The following WDR19 variants were observed in gnomAD, a reference collection of about 807,000 sequenced individuals.
WDR19 encodes the protein WD repeat domain 19.
A neutral mutation model predicts 180.0 loss-of-function variants in WDR19; 121 were observed. The observed-to-expected ratio is 0.67, with a 90% CI of 0.58 to 0.78. The LOEUF (loss-of-function observed/expected upper bound fraction) is 0.78. Ranked by LOEUF, WDR19 falls within the 30% of genes least tolerant of loss-of-function variation. The pLI is 0.00. For missense variants in WDR19, 1,450 were observed against 1,640.7 expected (o/e 0.88, Z 2.01); for synonymous variants, 497 against 540.7 (o/e 0.92, Z 1.12).
rs1731221844 is a variant in WDR19 at position 39,234,845 on chromosome 4, C to G, written c.2333C>G (p.Ser778Ter). The G allele has an allele frequency of 6.4e-7, 1 of 1,571,480 alleles. No individual in the cohort carries two copies. ...HLAPDQIPFI[S>*]KEYAIQLEFA... ...GCCCCAGACCAGATACCTTTTATATCAAAAGAATATGCTATTCAGCTTGAA... is the reference window on the plus strand; with the variant it reads ...GCCCCAGACCAGATACCTTTTATATGAAAAGAATATGCTATTCAGCTTGAA... The change falls in exon 20 of 37, where the codon TCA (serine) becomes TGA (stop). Residue 778 changes from serine to a stop codon, truncating the protein, a stop_gained. Transcript: ENST00000399820. LOFTEE classifies it high-confidence loss of function.
intron 24 of WDR19, among the ~76,000 whole-genome samples, chr4:39,250,613 G>T (rs550455137): frequency 6.6e-6 from 1 of 152,164 alleles, no homozygotes; most frequent in Non-Finnish European, 1.5e-5. Context: ...AAACCCCATC[G>T]TCTCAGCCCG....
At chr4:39,208,130 A>C (rs1324703749) in intron 9 of WDR19, among the ~76,000 whole-genome samples, 1 of 152,160 alleles carries the variant, frequency 6.6e-6, no homozygotes, top group African/African-American at 2.4e-5. Context: ...ACAATAGATA[A>C]ATTAAAATGG....
At chr4:39,193,069 G>A (rs558593676) in intron 4 of WDR19, among the ~76,000 whole-genome samples, 20 of 152,166 alleles carry the variant, frequency 1.3e-4, no homozygotes, top group South Asian at 4.1e-4. Flanking sequence ...ATTAAAATGC[G>A]TATTTATCTT....
chr4:39,283,514 T>C (rs973401940), intron 36 of WDR19, among the ~76,000 whole-genome samples: 1 of 152,164 alleles, frequency 6.6e-6, no homozygotes, highest in Non-Finnish European at 1.5e-5. Context: ...TGACTAAATA[T>C]TTTTTCGTAT....
intron 3 of WDR19, 39 bp downstream of exon 3, chr4:39,186,643 T>C: frequency 7.2e-7 from 1 of 1,386,188 alleles, no homozygotes; most frequent in Non-Finnish European, 9.8e-7. Flanking sequence ...CTGTCAAGTT[T>C]TGTTGCCTAA....
chr4:39,280,141 T>TTTTTA lies in WDR19; in HGVS notation c.*13+1478_*13+1479insTTTTA, dbSNP rs368949539. On this transcript the variant is annotated intron_variant, in intron 36 of 36. Coordinates refer to ENST00000399820, the MANE Select transcript of WDR19 (RefSeq NM_025132.4). ...CTTGTTTTTTTTTTTTTTTTTTTTTTAATAGAGGCAGGGTCTCGCCACATT... is the reference window on the plus strand; with the variant it reads ...CTTGTTTTTTTTTTTTTTTTTTTTTTTTTTAAATAGAGGCAGGGTCTCGCCACATT... Among the ~76,000 whole-genome samples the TTTTTA allele has an allele frequency of 1.8e-4, 16 of 88,392 alleles. 2 individuals carry two copies. Among genetic ancestry groups the TTTTTA allele is most frequent in the East Asian group, 3.6e-4 (1 of 2,742 alleles). The allele number at this position is 88,392 out of a possible 152,430, so 58.0% of individuals were successfully genotyped here.
intron 15 of WDR19, among the ~76,000 whole-genome samples, chr4:39,225,324 A>G (rs915546141): frequency 1.3e-5 from 2 of 152,192 alleles, no homozygotes; most frequent in African/African-American, 4.8e-5. Flanking sequence ...GCACAATACA[A>G]TAATTATAGT....
Position 39,278,116 on chromosome 4 carries a change from A to T in WDR19, c.3841-15A>T, listed in dbSNP as rs368673192. 1 of 1,589,418 alleles carries T rather than the reference A, an allele frequency of 6.3e-7. No homozygotes were observed. Among genetic ancestry groups the T allele is most frequent in the Admixed American group, 1.8e-5 (1 of 56,186 alleles). ...AAATAAAGATGAATTTAACTCTTAA[A>T]CATCCTGTTTCCAGGGTCGACACAT... is the stretch of plus-strand genomic sequence containing the variant. On this transcript the variant is annotated splice_polypyrimidine_tract_variant and intron_variant, in intron 34 of 36. Transcript: ENST00000399820.
intron 9 of WDR19, among the ~76,000 whole-genome samples, chr4:39,208,635 G>C (rs1485785561): frequency 2.0e-5 from 3 of 152,028 alleles, no homozygotes; most frequent in Non-Finnish European, 2.9e-5. Flanking sequence ...TATTAAAAGG[G>C]TCATTGTAAG....
intron 36 of WDR19, among the ~76,000 whole-genome samples, chr4:39,278,959 G>GT (rs1736187716): frequency 7.5e-6 from 1 of 133,936 alleles, no homozygotes. Context: ...GCTAATAAAA[G>GT]TATTTTTTTT....
rs866346887 is a variant in WDR19, at chr4:39,205,072, G to A, written c.604-82G>A. 3.9e-5 allele frequency: 37 copies of A among 944,898 alleles called. No individual in the cohort carries two copies. In the Middle Eastern group the frequency reaches 3.7e-3, roughly 94 times the overall value. 58.5% of individuals were successfully genotyped at this position (944,898 alleles called of 1,614,324 possible). ...TGGGCTTATTATTTTCACAAATTAG[G>A]TTCAGCTGTTGGATTTGCTTAATGG... On this transcript the variant is annotated intron_variant, in intron 7 of 36. Coordinates refer to ENST00000399820, the MANE Select transcript of WDR19 (RefSeq NM_025132.4).
At position 39,279,968 on chromosome 4, in the gene WDR19, G is replaced by T. The variant is rs539210408; in HGVS notation, c.*13+1305G>T. 3.9e-5 allele frequency among the ~76,000 whole-genome samples: 6 copies of T among 152,028 alleles called. No homozygotes were observed. In the East Asian group the frequency reaches 1.2e-3, roughly 29 times the overall value. On this transcript the variant is annotated intron_variant, in intron 36 of 36. Transcript: ENST00000399820. ...TTCGCCGGCCTCAGCCTCCCAAAGT[G>T]CTGGGATTACAGGCATGAGCCGCCA...
intron 28 of WDR19, among the ~76,000 whole-genome samples, chr4:39,264,035 T>G (rs748612693): frequency 6.6e-6 from 1 of 152,160 alleles, no homozygotes; most frequent in Non-Finnish European, 1.5e-5. Context: ...GAAATTTAAA[T>G]TTAACTGGGA....
In WDR19 at chr4:39,241,795, C is replaced by CA. The variant is rs539065242; in HGVS notation, c.2421+1475dup. 4.3e-3 allele frequency among the ~76,000 whole-genome samples: 539 copies of CA among 125,874 alleles called. 3 individuals carry two copies. Among genetic ancestry groups the CA allele is most frequent in the South Asian group, 0.028 (111 of 3,940 alleles). 82.6% of individuals were successfully genotyped at this position (125,874 alleles called of 152,430 possible). On this transcript the variant is annotated intron_variant, in intron 21 of 36. Transcript: ENST00000399820. The stretch of plus-strand genomic sequence containing the variant: ...GGGCGACAAGAGGGAAACTCTGTCT[C>CA]AAAAAAAAAAAAAAGAAAGAAAGAA...
At chr4:39,241,933 A>T (rs1403799313) in intron 21 of WDR19, among the ~76,000 whole-genome samples, 1 of 145,392 alleles carries the variant, frequency 6.9e-6, no homozygotes, top group Non-Finnish European at 1.5e-5. Flanking sequence ...TGTAATATGG[A>T]TTTTTTTTTT....
intron 28 of WDR19, among the ~76,000 whole-genome samples, chr4:39,259,187 G>T (rs146204268): frequency 6.6e-6 from 1 of 152,162 alleles, no homozygotes; most frequent in Non-Finnish European, 1.5e-5. Flanking sequence ...TGCCCATCCC[G>T]AGTTAATTAG....
In WDR19 at chr4:39,238,427, A is replaced by T. The variant is rs138298751; in HGVS notation, c.2364-1850A>T. 2.3e-3 allele frequency among the ~76,000 whole-genome samples: 356 copies of T among 152,352 alleles called. 1 individual carries two copies. The highest frequency in any genetic ancestry group is 7.9e-3 in the African/African-American group (328 of 41,580). On this transcript the variant is annotated intron_variant, in intron 20 of 36. Transcript: ENST00000399820. The stretch of plus-strand genomic sequence containing the variant: ...TGAGCTAAAAACAACATAAAAATAA[A>T]GTGAGAGTTCCAAAGTATTAATTTA...
chr4:39,272,305 G>A (rs557180480), intron 31 of WDR19, among the ~76,000 whole-genome samples: 107 of 152,322 alleles, frequency 7.0e-4, no homozygotes, highest in Middle Eastern at 3.4e-3. Context: ...AGCCACAGGG[G>A]TGCTTCTTGA....
chr4:39,189,569 T>G, intron 3 of WDR19, 87 bp from the exon 4 acceptor site: 1 of 1,222,450 alleles, frequency 8.2e-7, no homozygotes, highest in Non-Finnish European at 1.1e-6. Flanking sequence ...CAAAATAGAT[T>G]GAATAATCTT....
Sources: gnomAD v4.1 joint callset for allele counts (sites outside exome capture counted in the v4.1 genomes callset) on GRCh38, gnomAD v4.1.1 for gene constraint, MANE v1.5 for transcripts, NCBI Gene and HGNC (gene_info 2026-07-23, HGNC 2026-07-21) for gene names.